RASEF: variants seen among roughly 807,000 people sequenced by gnomAD.
RASEF encodes the protein ras and EF-hand domain-containing protein.
A neutral mutation model predicts 90.1 loss-of-function variants in RASEF; 68 were observed. The observed-to-expected ratio is 0.75, with a 90% confidence interval of 0.62 to 0.92. The LOEUF (loss-of-function observed/expected upper bound fraction) is 0.92, where lower values mean the gene tolerates loss of function less well. Among genes scored for constraint, RASEF ranks in the 40% least tolerant of loss-of-function variants. RASEF has a pLI of 0.00. For missense variants in RASEF, 949 were observed against 937.2 expected (o/e 1.01, Z -0.16); for synonymous variants, 331 against 345.2 (o/e 0.96, Z 0.46).
At chr9:83,073,367 A>T in the RASEF span, among the ~76,000 whole-genome samples, 1 of 151,832 alleles carries the variant, frequency 6.6e-6, no homozygotes, top group African/African-American at 2.4e-5. Flanking sequence ...CAAAGTCACC[A>T]CCCCCACCAC....
At chr9:83,066,804 A>T (rs374001901), upstream of RASEF, among the ~76,000 whole-genome samples, 2 of 152,260 alleles carry the variant, frequency 1.3e-5, no homozygotes, top group South Asian at 2.1e-4. Flanking sequence ...TTCCTTTGAG[A>T]TAAAGCTGTT....
the RASEF span, among the ~76,000 whole-genome samples, chr9:83,069,471 A>T: frequency 2.6e-5 from 4 of 152,310 alleles, no homozygotes; most frequent in East Asian, 7.7e-4. Flanking sequence ...GCTCAGCAGA[A>T]GGTGTTTAGA....
chr9:83,066,929 C>T (rs1830286407), upstream of RASEF, among the ~76,000 whole-genome samples: 1 of 152,130 alleles, frequency 6.6e-6, no homozygotes, highest in African/African-American at 2.4e-5. Context: ...TCAAAACATA[C>T]TTGAGGAGAC....
chr9:82,992,319 G>A (rs868058945), intron 15 of RASEF, among the ~76,000 whole-genome samples: 19 of 152,136 alleles, frequency 1.2e-4, no homozygotes, highest in African/African-American at 4.1e-4. Context: ...TGACACTGAT[G>A]GGAGAATAAA....
chr9:83,106,360 C>T, the RASEF span, among the ~76,000 whole-genome samples: 1 of 152,170 alleles, frequency 6.6e-6, no homozygotes, highest in Admixed American at 6.5e-5. Context: ...CTCTGTGCTT[C>T]CCATCACCCC....
chr9:83,023,176 T>C (rs950904986), intron 2 of RASEF, among the ~76,000 whole-genome samples: 2 of 152,180 alleles, frequency 1.3e-5, no homozygotes, highest in Non-Finnish European at 2.9e-5. Flanking sequence ...CTCACAATGT[T>C]ATATGTTAAA....
At chr9:83,165,692 A>C in the RASEF span, among the ~76,000 whole-genome samples, 3 of 152,140 alleles carry the variant, frequency 2.0e-5, no homozygotes, top group Non-Finnish European at 4.4e-5. Flanking sequence ...AAATCAATAC[A>C]GAGAATCAAT....
the RASEF span, among the ~76,000 whole-genome samples, chr9:83,125,797 C>G: frequency 1.3e-5 from 2 of 152,214 alleles, no homozygotes; most frequent in African/African-American, 4.8e-5. Context: ...ACATTTTCCA[C>G]TAGAGAGTCA....
the RASEF span, among the ~76,000 whole-genome samples, chr9:83,214,653 G>T: frequency 6.6e-6 from 1 of 152,090 alleles, no homozygotes; most frequent in Non-Finnish European, 1.5e-5. Context: ...GTTTTCCCAT[G>T]CTGTTCTCCT....
At chr9:83,049,623 C>A (rs1478455574) in intron 1 of RASEF, among the ~76,000 whole-genome samples, 2 of 140,626 alleles carry the variant, frequency 1.4e-5, no homozygotes, top group Non-Finnish European at 3.0e-5. Context: ...ATGTGCCATG[C>A]TGGTGCGCTG....
chr9:83,154,443 G>C, the RASEF span, among the ~76,000 whole-genome samples: 1 of 152,090 alleles, frequency 6.6e-6, no homozygotes, highest in South Asian at 2.1e-4. Context: ...TGTAATTTCA[G>C]ACAGGCCAGT....
chr9:83,134,410 G>GCACACACACA, the RASEF span, among the ~76,000 whole-genome samples: 1 of 139,044 alleles, frequency 7.2e-6, no homozygotes, highest in South Asian at 2.2e-4. Context: ...TCACAATAGC[G>GCACACACACA]CACACACACA....
At chr9:83,048,883 CTT>C (rs1463221561) in intron 1 of RASEF, 1 of 500,806 alleles carries the variant, frequency 2.0e-6, no homozygotes, top group Non-Finnish European at 2.6e-6. Context: ...CATCCCAACA[CTT>C]TGGGAGGCCG....
At position 82,981,369 on chromosome 9, in the gene RASEF, G is replaced by A. The variant is rs1443190304; in HGVS notation, c.*1308C>T. 6.6e-6 allele frequency: 1 copy of A among 152,172 alleles called. No homozygotes were observed. Among genetic ancestry groups the A allele is most frequent in the African/African-American group, 2.4e-5 (1 of 41,430 alleles). The allele number at this position is 152,172 out of a possible 1,614,324, so 9.4% of individuals were successfully genotyped here. On this transcript the variant is annotated 3_prime_UTR_variant, in exon 17 of 17. Transcript: ENST00000376447. ...CTAGTCACATTAAACAAAGGACCCT[G>A]ACTCACCTTTCCTAATGGTGATTCC... is the stretch of plus-strand genomic sequence containing the variant.
At chr9:83,211,362 G>A in the RASEF span, among the ~76,000 whole-genome samples, 1 of 152,110 alleles carries the variant, frequency 6.6e-6, no homozygotes, top group East Asian at 1.9e-4. Context: ...CAAGCATGAA[G>A]TCAGCCAGAC....
the RASEF span, among the ~76,000 whole-genome samples, chr9:83,163,675 A>G: frequency 1.3e-5 from 2 of 152,196 alleles, no homozygotes; most frequent in East Asian, 3.8e-4. Context: ...CTGAACATCA[A>G]AGAGAAAACA....
intron 16 of RASEF, among the ~76,000 whole-genome samples, chr9:82,986,104 A>G (rs1490342551): frequency 6.6e-6 from 1 of 152,234 alleles, no homozygotes; most frequent in Non-Finnish European, 1.5e-5. Context: ...GAGTGAAAAG[A>G]AAGAGAGGAC....
rs566218936 is a variant in RASEF at position 83,015,599 on chromosome 9, G to A, written c.765+206C>T. Among the ~76,000 whole-genome samples, 179 of 152,316 alleles carry A rather than the reference G, an allele frequency of 1.2e-3. 2 individuals are homozygous for A. Among genetic ancestry groups the A allele is most frequent in the Middle Eastern group, 6.8e-3 (2 of 294 alleles). On this transcript the variant is annotated intron_variant, in intron 4 of 16. Coordinates refer to ENST00000376447, the MANE Select transcript of RASEF (RefSeq NM_152573.4). ...GGAGGCTGAGACAGGAGAATCATTT[G>A]AATCCAGGAGGCGGAGGTTGCAGTG... is the stretch of plus-strand genomic sequence containing the variant.
chr9:83,130,662 C>T, the RASEF span, among the ~76,000 whole-genome samples: 1 of 152,114 alleles, frequency 6.6e-6, no homozygotes, highest in East Asian at 1.9e-4. Context: ...GTACCTGCTG[C>T]GTGTTAAGCA....
Sources: gnomAD v4.1 joint callset for allele counts (sites outside exome capture counted in the v4.1 genomes callset) on GRCh38, gnomAD v4.1.1 for gene constraint, MANE v1.5 for transcripts, NCBI Gene and HGNC (gene_info 2026-07-23, HGNC 2026-07-21) for gene names.